The following GCHFR variants were observed in gnomAD, a reference collection of about 807,000 sequenced individuals.
The protein encoded by GCHFR is GTP cyclohydrolase 1 feedback regulatory protein.
In GCHFR, 12 loss-of-function variants were observed where a neutral mutation model predicts 10.6. The ratio of observed to expected loss-of-function variants is 1.13; its 90% CI spans 0.72 to 1.83. The LOEUF (loss-of-function observed/expected upper bound fraction) is 1.83, where lower values mean the gene tolerates loss of function less well. Ranked by LOEUF, GCHFR falls within the 40% of genes most tolerant of loss-of-function variation. The probability of loss-of-function intolerance (pLI) is 0.00; values close to 1 mark genes in which losing one functional copy is unlikely to be tolerated. For missense variants in GCHFR, 116 were observed against 110.6 expected (o/e 1.05, Z -0.22); for synonymous variants, 54 against 43.7 (o/e 1.24, Z -0.93).
chr15:40,766,857 C>T, intron 2 of GCHFR: 1 of 164,306 alleles, frequency 6.1e-6, no homozygotes, highest in Non-Finnish European at 1.3e-5. Flanking sequence ...ACTGCAGCCT[C>T]AGCCTCCTCC....
Position 40,764,141 on chromosome 15 carries a change from C to T in GCHFR, c.-40C>T, listed in dbSNP as rs1596066207. 1.3e-6 allele frequency: 2 copies of T among 1,535,992 alleles called. No homozygotes were observed. The highest frequency in any genetic ancestry group is 1.8e-6 in the Non-Finnish European group (2 of 1,142,258). ...AGAAGGGCTGGAGTCGGCGTCCAGC[C>T]TAGAGCCCCCGGTGGGAGCCAGGCC... On this transcript the variant is annotated 5_prime_UTR_variant, in exon 1 of 3. Transcript: ENST00000260447.
rs1449998950 is a variant in GCHFR, at chr15:40,767,642, A to G, written c.*293A>G. On this transcript the variant is annotated 3_prime_UTR_variant, in exon 3 of 3. Coordinates refer to ENST00000260447, the MANE Select transcript of GCHFR (RefSeq NM_005258.3). ...CAGCTGCCCCGGGCCGGAGCTGGGCACTCCAGCGGCCCTGGCGCGTGGCTC... is the reference window on the plus strand; with the variant it reads ...CAGCTGCCCCGGGCCGGAGCTGGGCGCTCCAGCGGCCCTGGCGCGTGGCTC... 6.9e-6 allele frequency: 4 copies of G among 578,136 alleles called. No homozygotes were observed. Among genetic ancestry groups the G allele is most frequent in the East Asian group, 3.2e-5 (1 of 31,262 alleles). 35.8% of individuals were successfully genotyped at this position (578,136 alleles called of 1,614,324 possible).
Position 40,767,543 on chromosome 15 carries a change from G to C in GCHFR, c.*194G>C, listed in dbSNP as rs1888978585. On this transcript the variant is annotated 3_prime_UTR_variant, in exon 3 of 3. Transcript: ENST00000260447. ...AAGCAGTGGGAGAGGGCAGTGCCCG[G>C]TGCCCTGGTGCTCCCAGCTGCCCTC... is the stretch of plus-strand genomic sequence containing the variant. 1.5e-6 allele frequency: 1 copy of C among 650,988 alleles called. No homozygotes were observed. Among genetic ancestry groups the C allele is most frequent in the Non-Finnish European group, 2.5e-6 (1 of 407,736 alleles). 40.3% of individuals were successfully genotyped at this position (650,988 alleles called of 1,614,324 possible). A position where few individuals can be genotyped will look rare whatever the true frequency, so the allele number is the denominator to read the frequency against.
chr15:40,764,679 C>T (rs1371944124), intron 1 of GCHFR: 1 of 159,184 alleles, frequency 6.3e-6, no homozygotes, highest in Non-Finnish European at 1.4e-5. Context: ...TAAACAGCAA[C>T]TAGCTGCACC....
At chr15:40,767,119 G>A (rs1030506192) in intron 2 of GCHFR, 107 bp from the exon 3 acceptor site, 3 of 1,207,394 alleles carry the variant, frequency 2.5e-6, no homozygotes, top group South Asian at 2.2e-5. Context: ...CAGCCAGCAA[G>A]TGTGAGTCAC....
chr15:40,764,285 G>A (rs911759645), intron 1 of GCHFR, 69 bp downstream of exon 1: 34 of 1,415,054 alleles, frequency 2.4e-5, no homozygotes, highest in Non-Finnish European at 3.2e-5. Context: ...GCACCTTCAT[G>A]CCTCCCTCCT....
At chr15:40,766,422 T>C (rs892415969) in intron 2 of GCHFR, 1 of 152,336 alleles carries the variant, frequency 6.6e-6, no homozygotes, top group Admixed American at 6.5e-5. Flanking sequence ...ACTGCTTCCA[T>C]TCCTCCTCTC....
At chr15:40,764,541 C>G (rs890233917) in intron 1 of GCHFR, 9 of 392,346 alleles carry the variant, frequency 2.3e-5, no homozygotes, top group African/African-American at 1.5e-4. Flanking sequence ...GCCTCACGCG[C>G]AGCACCTAGT....
At chr15:40,764,710 G>A (rs773360103) in intron 1 of GCHFR, 1 of 155,190 alleles carries the variant, frequency 6.4e-6, no homozygotes, top group Non-Finnish European at 1.4e-5. Flanking sequence ...TCCAGGAAGG[G>A]CTATCCCTGA....
At chr15:40,766,057 C>T (rs569232703) in intron 2 of GCHFR, 136 bp downstream of exon 2, 17 of 471,556 alleles carry the variant, frequency 3.6e-5, no homozygotes, top group East Asian at 1.7e-4. Context: ...CTCTGTTCTC[C>T]GGAGGAGTTG....
At chr15:40,765,682 T>C (rs1888931663) in intron 1 of GCHFR, 145 bp from the exon 2 acceptor site, 1 of 428,616 alleles carries the variant, frequency 2.3e-6, no homozygotes, top group Non-Finnish European at 4.2e-6. Context: ...TCACAGCTTG[T>C]GCTCAGCCCC....
rs1596068369 is a variant in GCHFR at position 40,767,245 on chromosome 15, G to C, written c.151G>C (p.Asp51His). 1.9e-6 allele frequency: 3 copies of C among 1,574,548 alleles called. No individual in the cohort carries two copies. The East Asian group carries it at 7.3e-5, about 38-fold the overall frequency. ...GNNFYEYYVDDPPRIVLDKLE... is the reference protein window; with the variant it reads ...GNNFYEYYVDHPPRIVLDKLE... ...TTGCAGTTATGAATACTACGTCGAT[G>C]ACCCTCCCCGCATAGTCCTGGACAA... Residue 51 changes from aspartate to histidine, a missense_variant, in exon 3 of 3, where the codon GAC becomes CAC. Coordinates refer to ENST00000260447, the MANE Select transcript of GCHFR (RefSeq NM_005258.3).
At chr15:40,766,993 A>G (rs947297053) in intron 2 of GCHFR, 8 of 366,836 alleles carry the variant, frequency 2.2e-5, no homozygotes, top group Non-Finnish European at 3.9e-5. Context: ...TCATCTATCA[A>G]TGGCCACAAC....
chr15:40,764,237 G>A, intron 1 of GCHFR, 21 bp downstream of exon 1: 1 of 1,548,382 alleles, frequency 6.5e-7, no homozygotes. Context: ...GCCGCCTGGC[G>A]ACTTGGAGCC....
Position 40,767,584 on chromosome 15 carries a change from G to A in GCHFR, c.*235G>A. On this transcript the variant is annotated 3_prime_UTR_variant, in exon 3 of 3. Coordinates refer to ENST00000260447, the MANE Select transcript of GCHFR (RefSeq NM_005258.3). ...AGCTGCCCTCCTGCTTCGGGCCTGG[G>A]CCGAGGGCCTTGTGTAGGCCATGTT... 1.7e-6 allele frequency: 1 copy of A among 599,214 alleles called. No individual in the cohort carries two copies. Among genetic ancestry groups the A allele is most frequent in the South Asian group, 2.3e-5 (1 of 42,694 alleles). The allele number at this position is 599,214 out of a possible 1,614,324, so 37.1% of individuals were successfully genotyped here.
chr15:40,764,133 C>A lies in GCHFR; in HGVS notation c.-48C>A. On this transcript the variant is annotated 5_prime_UTR_variant, in exon 1 of 3. Coordinates refer to ENST00000260447, the MANE Select transcript of GCHFR (RefSeq NM_005258.3). ...CCGACGCGAGAAGGGCTGGAGTCGG[C>A]GTCCAGCCTAGAGCCCCCGGTGGGA... is the stretch of plus-strand genomic sequence containing the variant. 1 of 1,512,950 alleles carries A rather than the reference C, an allele frequency of 6.6e-7. No individual in the cohort carries two copies. Among genetic ancestry groups the A allele is most frequent in the East Asian group, 2.6e-5 (1 of 38,858 alleles). 93.7% of individuals were successfully genotyped at this position (1,512,950 alleles called of 1,614,324 possible). A position where few individuals can be genotyped will look rare whatever the true frequency, so the allele number is the denominator to read the frequency against.
In GCHFR at chr15:40,764,232, C is replaced by T. The variant is rs1888899221; in HGVS notation, c.36+16C>T. The T allele has an allele frequency of 1.9e-6, 3 of 1,550,074 alleles. No homozygotes were observed. Among genetic ancestry groups the T allele is most frequent in the Non-Finnish European group, 1.7e-6 (2 of 1,147,390 alleles). On this transcript the variant is annotated intron_variant, in intron 1 of 2. Coordinates refer to ENST00000260447, the MANE Select transcript of GCHFR (RefSeq NM_005258.3). ...GATCCGCATGGTGAGTACCGGCCGC[C>T]TGGCGACTTGGAGCCGGGACCAGGC...
In GCHFR at chr15:40,764,558, C is replaced by CA. The variant is rs1038755285; in HGVS notation, c.36+343dup. Reference sequence around the variant, plus strand: ...CTCACGCGCAGCACCTAGTGCCCTGCACAGAGCCGCTCCGCAGGGGAAAAA... The same window carrying CA: ...CTCACGCGCAGCACCTAGTGCCCTGCAACAGAGCCGCTCCGCAGGGGAAAAA... On this transcript the variant is annotated intron_variant, in intron 1 of 2. Coordinates refer to ENST00000260447, the MANE Select transcript of GCHFR (RefSeq NM_005258.3). 2.2e-3 allele frequency: 715 copies of CA among 321,180 alleles called. 6 individuals carry two copies. The highest frequency in any genetic ancestry group is 0.014 in the African/African-American group (655 of 46,736). 19.9% of individuals were successfully genotyped at this position (321,180 alleles called of 1,614,324 possible).
chr15:40,765,714 G>A (rs1888932258), intron 1 of GCHFR, 113 bp from the exon 2 acceptor site: 1 of 497,032 alleles, frequency 2.0e-6, no homozygotes, highest in African/African-American at 2.0e-5. Flanking sequence ...GCTACTCTCT[G>A]TAGCCTTTAC....
Sources: gnomAD v4.1 joint callset for allele counts on GRCh38, gnomAD v4.1.1 for gene constraint, MANE v1.5 for transcripts, NCBI Gene and HGNC (gene_info 2026-07-23, HGNC 2026-07-21) for gene names.